The following DCBLD1 variants were observed in gnomAD, a reference collection of about 807,000 sequenced individuals.
DCBLD1 encodes discoidin, CUB and LCCL domain-containing protein 1.
Under a neutral mutation model 71.5 loss-of-function variants are expected in DCBLD1, and 57 were observed. That is an observed-to-expected ratio of 0.80 (90% CI 0.64 to 0.99). The LOEUF (loss-of-function observed/expected upper bound fraction) is 0.99, where lower values mean the gene tolerates loss of function less well. DCBLD1 is among the 50% of genes least tolerant of loss of function. The probability of loss-of-function intolerance (pLI) is 0.00; values close to 1 mark genes in which losing one functional copy is unlikely to be tolerated. For synonymous variants in DCBLD1, 380 were observed against 363.8 expected (o/e 1.04, Z -0.51); for missense variants, 891 against 923.5 (o/e 0.96, Z 0.46).
chr6:117,537,748 G>A (rs749204396), intron 7 of DCBLD1, among the ~76,000 whole-genome samples: 7 of 130,002 alleles, frequency 5.4e-5, no homozygotes, highest in Non-Finnish European at 9.3e-5. Context: ...GGGCTTAAGC[G>A]ATCCTCTTAC....
intron 9 of DCBLD1, chr6:117,540,245 T>C (rs954164554): frequency 6.5e-6 from 1 of 154,956 alleles, no homozygotes; most frequent in Non-Finnish European, 1.4e-5. Context: ...TTAAAATGGC[T>C]GCTTCAGTAT....
intron 14 of DCBLD1, among the ~76,000 whole-genome samples, chr6:117,554,799 A>AGGAGAATC (rs1229443391): frequency 6.6e-6 from 1 of 151,902 alleles, no homozygotes; most frequent in African/African-American, 2.4e-5. Context: ...AGGCTGAGGC[A>AGGAGAATC]GGAGAATCGC....
At chr6:117,514,217 A>G (rs934306762) in intron 2 of DCBLD1, among the ~76,000 whole-genome samples, 3 of 152,252 alleles carry the variant, frequency 2.0e-5, no homozygotes, top group Non-Finnish European at 4.4e-5. Context: ...TGCCATAGGC[A>G]ATACTACAGC....
At chr6:117,544,688 T>C in intron 13 of DCBLD1, 111 bp downstream of exon 13, 2 of 1,154,694 alleles carry the variant, frequency 1.7e-6, no homozygotes, top group Non-Finnish European at 2.5e-6. Flanking sequence ...TTAAAAGACA[T>C]AAGCCCTGTA....
In DCBLD1 at chr6:117,540,931, G is replaced by A. The variant is rs766266313; in HGVS notation, c.1263G>A (p.Leu421=). ...CTCCTCTCTCAGGTAATGATTCATT[G>A]GTGTGGCGCAAGACAAGTCAAAGCA... is the stretch of plus-strand genomic sequence containing the variant. ...GCQITQGNDS[L]VWRKTSQSTS... The change falls in exon 11 of 15, where the codon TTG becomes TTA. Residue 421 remains leucine, a synonymous_variant. Coordinates refer to ENST00000338728, the MANE Select transcript of DCBLD1 (RefSeq NM_001366458.2). 3.5e-5 allele frequency: 56 copies of A among 1,613,994 alleles called. No homozygotes were observed. The Middle Eastern group carries it at 4.9e-4, about 14-fold the overall frequency.
intron 14 of DCBLD1, among the ~76,000 whole-genome samples, chr6:117,556,488 T>G (rs1225760228): frequency 1.3e-5 from 2 of 152,336 alleles, no homozygotes; most frequent in East Asian, 3.9e-4. Context: ...ACTTTGTTTC[T>G]GAGTTAGTTC....
Position 117,540,727 on chromosome 6 carries a change from C to T in DCBLD1, c.1161C>T (p.Ile387=), listed in dbSNP as rs1401555696. Residue 387 remains isoleucine, a synonymous_variant, in exon 10 of 15, where the codon ATC becomes ATT. Coordinates refer to ENST00000338728, the MANE Select transcript of DCBLD1 (RefSeq NM_001366458.2). The part of the protein sequence containing the change: ...DPVQNNFIPP[I]VARYVRVVPQ... ...TGCAAAACAATTTCATCCCTCCCAT[C>T]GTGGCCAGATATGTGCGGGTTGTCC... 8.1e-6 allele frequency: 13 copies of T among 1,614,082 alleles called. No individual in the cohort carries two copies. The highest frequency in any genetic ancestry group is 6.6e-5 in the South Asian group (6 of 91,088).
At chr6:117,568,902 C>A (rs1439720910) in intron 14 of DCBLD1, among the ~76,000 whole-genome samples, 2 of 152,154 alleles carry the variant, frequency 1.3e-5, no homozygotes, top group Non-Finnish European at 2.9e-5. Context: ...AGAGGCATAC[C>A]ACACTGATAA....
At chr6:117,529,293 G>A (rs967245697) in intron 5 of DCBLD1, among the ~76,000 whole-genome samples, 3 of 130,992 alleles carry the variant, frequency 2.3e-5, no homozygotes, top group African/African-American at 1.0e-4. Context: ...TTATACGGAG[G>A]ACAGAAAGTA....
At chr6:117,566,912 T>C in intron 14 of DCBLD1, 1 of 1,607,916 alleles carries the variant, frequency 6.2e-7, no homozygotes, top group South Asian at 1.1e-5. Flanking sequence ...GGTTACCACC[T>C]CCTTCTAACT....
At chr6:117,491,722 CTT>C (rs1562428025) in intron 1 of DCBLD1, among the ~76,000 whole-genome samples, 1 of 152,132 alleles carries the variant, frequency 6.6e-6, no homozygotes, top group Non-Finnish European at 1.5e-5. Context: ...TATTATGTCT[CTT>C]TAGTCACTTT....
At chr6:117,558,964 T>C (rs1165502737) in intron 14 of DCBLD1, among the ~76,000 whole-genome samples, 1 of 152,192 alleles carries the variant, frequency 6.6e-6, no homozygotes, top group African/African-American at 2.4e-5. Flanking sequence ...AGGTCCAACC[T>C]TGCAAGCAGA....
intron 2 of DCBLD1, among the ~76,000 whole-genome samples, chr6:117,507,679 A>G (rs1562438965): frequency 6.6e-6 from 1 of 152,198 alleles, no homozygotes; most frequent in Non-Finnish European, 1.5e-5. Flanking sequence ...GATCCAATTC[A>G]GGATCATAAA....
At chr6:117,532,165 C>T (rs1778744788) in intron 5 of DCBLD1, 95 bp from the exon 6 acceptor site, 1 of 1,503,468 alleles carries the variant, frequency 6.7e-7, no homozygotes, top group African/African-American at 1.4e-5. Context: ...ATTGGGGCCA[C>T]TACTATAAAT....
chr6:117,518,642 G>T lies in DCBLD1; in HGVS notation c.326-1174G>T, dbSNP rs1435791748. The stretch of plus-strand genomic sequence containing the variant: ...CCTCAAATCATGGTAGAAGGCAAAA[G>T]ACATGTCTCATATGGTGGCAGACAA... On this transcript the variant is annotated intron_variant, in intron 2 of 14. Transcript: ENST00000338728. Among the ~76,000 whole-genome samples the T allele has an allele frequency of 2.0e-5, 3 of 152,184 alleles. No homozygotes were observed. The South Asian group carries it at 6.2e-4, about 32-fold the overall frequency.
At chr6:117,501,525 G>A (rs959687207) in intron 1 of DCBLD1, among the ~76,000 whole-genome samples, 23 of 152,110 alleles carry the variant, frequency 1.5e-4, no homozygotes, top group African/African-American at 5.6e-4. Flanking sequence ...GTAGACACAG[G>A]GTTTCACCAT....
intron 1 of DCBLD1, among the ~76,000 whole-genome samples, chr6:117,483,635 A>G (rs1776981889): frequency 6.6e-6 from 1 of 151,864 alleles, no homozygotes; most frequent in Admixed American, 6.6e-5. Context: ...TGTCCAGCAT[A>G]TTAAAGCAGC....
chr6:117,520,230 A>G (rs1011439605), intron 3 of DCBLD1, among the ~76,000 whole-genome samples: 1 of 152,190 alleles, frequency 6.6e-6, no homozygotes, highest in Non-Finnish European at 1.5e-5. Flanking sequence ...GCTAAAAAAA[A>G]TTTGCAAAAA....
chr6:117,499,174 G>A (rs1399842631), intron 1 of DCBLD1, among the ~76,000 whole-genome samples: 1 of 149,346 alleles, frequency 6.7e-6, no homozygotes, highest in Non-Finnish European at 1.5e-5. Flanking sequence ...GGCCAAGGCG[G>A]GAAGATCGCT....
Sources: gnomAD v4.1 joint callset for allele counts (sites outside exome capture counted in the v4.1 genomes callset) on GRCh38, gnomAD v4.1.1 for gene constraint, MANE v1.5 for transcripts, NCBI Gene and HGNC (gene_info 2026-07-23, HGNC 2026-07-21) for gene names.